Variants in GLIS3 observed in about 807,000 individuals in gnomAD.
The protein encoded by GLIS3 is GLIS family zinc finger 3.
GLIS3 carries 53 observed loss-of-function variants against 78.6 expected under a neutral mutation model. The observed-to-expected ratio is 0.67, with a 90% confidence interval of 0.54 to 0.85. The LOEUF (loss-of-function observed/expected upper bound fraction) is 0.85, where lower values mean the gene tolerates loss of function less well. Ranked by LOEUF, GLIS3 falls within the 40% of genes least tolerant of loss-of-function variation. GLIS3 has a pLI of 0.00. For missense variants in GLIS3, 1,703 were observed against 1,231.1 expected, an observed-to-expected ratio of 1.38 and a Z score of -5.74; for synonymous variants, 684 against 509.9, an observed-to-expected ratio of 1.34 and a Z score of -4.60.
intron 2 of GLIS3, among the ~76,000 whole-genome samples, chr9:4,316,860 G>C (rs1272359725): frequency 2.3e-5 from 3 of 129,094 alleles, no homozygotes; most frequent in African/African-American, 1.0e-4. Context: ...AGAAGTGTTG[G>C]TGATCTTTAT....
chr9:4,041,899 G>A (rs1182454639), intron 4 of GLIS3, among the ~76,000 whole-genome samples: 1 of 152,110 alleles, frequency 6.6e-6, no homozygotes, highest in Admixed American at 6.5e-5. Context: ...ATATCCAGGT[G>A]TACTCTTATG....
chr9:4,196,863 C>A (rs1481734785), intron 2 of GLIS3, among the ~76,000 whole-genome samples: 1 of 152,196 alleles, frequency 6.6e-6, no homozygotes, highest in South Asian at 2.1e-4. Context: ...AACCTGGAAC[C>A]AATCTGCATG....
At chr9:4,083,714 A>G (rs1040204073) in intron 4 of GLIS3, among the ~76,000 whole-genome samples, 2 of 152,248 alleles carry the variant, frequency 1.3e-5, no homozygotes, top group African/African-American at 4.8e-5. Context: ...GGTGTGTTTT[A>G]TAAACCAAGC....
intron 2 of GLIS3, among the ~76,000 whole-genome samples, chr9:4,331,696 G>C (rs1381626114): frequency 6.6e-6 from 1 of 152,174 alleles, no homozygotes; most frequent in Non-Finnish European, 1.5e-5. Context: ...GATGAAGGCA[G>C]GCACTGGTCA....
chr9:4,374,603 C>T, the GLIS3 span, among the ~76,000 whole-genome samples: 4 of 150,526 alleles, frequency 2.7e-5, no homozygotes, highest in South Asian at 8.3e-4. Flanking sequence ...CCCCTTCCTC[C>T]TCTGTGTGGT....
chr9:4,046,717 C>T lies in GLIS3; in HGVS notation c.1710+71051G>A, dbSNP rs180914384. Among the ~76,000 whole-genome samples, 973 of 152,256 alleles carry T rather than the reference C, an allele frequency of 6.4e-3. 9 individuals are homozygous for T. The highest frequency in any genetic ancestry group is 0.015 in the African/African-American group (615 of 41,562). The stretch of plus-strand genomic sequence containing the variant: ...ATTCACTGGAATATATTTAGAGTTC[C>T]TCTACCAGGATAATGCAGGAACTCT... On this transcript the variant is annotated intron_variant, in intron 4 of 10. Coordinates refer to ENST00000381971, the MANE Select transcript of GLIS3 (RefSeq NM_001042413.2).
chr9:4,468,276 T>C, the GLIS3 span, among the ~76,000 whole-genome samples: 1 of 152,072 alleles, frequency 6.6e-6, no homozygotes. Context: ...ATTCAGGAAA[T>C]ACAGAGAATG....
At chr9:4,230,130 G>C (rs972746742) in intron 2 of GLIS3, among the ~76,000 whole-genome samples, 3 of 152,326 alleles carry the variant, frequency 2.0e-5, no homozygotes, top group African/African-American at 7.2e-5. Flanking sequence ...AGTCCTGTAA[G>C]TTCAAGCTCC....
intron 1 of GLIS3, among the ~76,000 whole-genome samples, chr9:4,293,913 C>T (rs1350905720): frequency 6.6e-6 from 1 of 152,220 alleles, no homozygotes; most frequent in Admixed American, 6.5e-5. Flanking sequence ...TTCCTTGACT[C>T]AAGTCTGCCC....
chr9:4,219,737 C>T (rs1563777004), intron 2 of GLIS3, among the ~76,000 whole-genome samples: 1 of 152,112 alleles, frequency 6.6e-6, no homozygotes, highest in African/African-American at 2.4e-5. Flanking sequence ...TGCAACTGAG[C>T]TGGGAGGAAG....
chr9:3,959,060 C>G (rs1817361514), intron 4 of GLIS3, among the ~76,000 whole-genome samples: 2 of 152,138 alleles, frequency 1.3e-5, no homozygotes, highest in South Asian at 2.1e-4. Context: ...TTGCTGTGGT[C>G]TGAATGTTTG....
At chr9:4,426,809 C>G in the GLIS3 span, among the ~76,000 whole-genome samples, 1 of 152,214 alleles carries the variant, frequency 6.6e-6, no homozygotes, top group Non-Finnish European at 1.5e-5. Flanking sequence ...AATAATAGCT[C>G]CCACTTCACA....
At chr9:4,182,347 T>C (rs1817405854) in intron 2 of GLIS3, among the ~76,000 whole-genome samples, 1 of 152,220 alleles carries the variant, frequency 6.6e-6, no homozygotes, top group Admixed American at 6.5e-5. Context: ...TCCGTACTCC[T>C]TCAACACTCT....
chr9:3,968,152 A>G (rs777990826), intron 4 of GLIS3, among the ~76,000 whole-genome samples: 1 of 152,200 alleles, frequency 6.6e-6, no homozygotes, highest in African/African-American at 2.4e-5. Context: ...TTTCAAATCT[A>G]TTGTCACTAG....
intron 9 of GLIS3, among the ~76,000 whole-genome samples, chr9:3,838,287 A>T (rs945151531): frequency 1.3e-5 from 2 of 152,204 alleles, no homozygotes; most frequent in South Asian, 2.1e-4. Context: ...ATTAAAATAC[A>T]GCCCTTTTAC....
intron 4 of GLIS3, among the ~76,000 whole-genome samples, chr9:4,011,865 G>A (rs896270487): frequency 2.0e-5 from 3 of 151,800 alleles, no homozygotes; most frequent in African/African-American, 4.8e-5. Context: ...TGACATACCC[G>A]CCAAGAGATT....
chr9:4,425,453 T>C, the GLIS3 span, among the ~76,000 whole-genome samples: 2 of 152,212 alleles, frequency 1.3e-5, no homozygotes, highest in Non-Finnish European at 2.9e-5. Flanking sequence ...TCAGCTGGTA[T>C]TGGGAATGGC....
rs1480152133 is a variant in GLIS3, at chr9:4,117,962, C to T, written c.1516G>A (p.Asp506Asn). 11 of 1,613,844 alleles carry T rather than the reference C, an allele frequency of 6.8e-6. No individual in the cohort carries two copies. Among genetic ancestry groups the T allele is most frequent in the South Asian group, 2.2e-5 (2 of 91,078 alleles). ...TGCTGGTCGTACAGGGCGCTGCAGT[C>T]GATCCAGCGGCAGCAATGCTTGCCC... ...IGGKHCCRWI[D>N]CSALYDQQEE... is the part of the protein sequence containing the mutation. Residue 506 changes from aspartate (D) to asparagine (N), a missense_variant, in exon 4 of 11, where the codon GAC (aspartate) becomes AAC (asparagine). By Grantham distance (23) the Asp-to-Asn change is conservative. Transcript: ENST00000381971.
chr9:4,330,750 G>C (rs1273096837), intron 2 of GLIS3, among the ~76,000 whole-genome samples: 3 of 152,178 alleles, frequency 2.0e-5, no homozygotes, highest in Non-Finnish European at 4.4e-5. Flanking sequence ...GAGGGAGTGG[G>C]AGCCCACTGA....
Sources: gnomAD v4.1 joint callset for allele counts (sites outside exome capture counted in the v4.1 genomes callset) on GRCh38, gnomAD v4.1.1 for gene constraint, MANE v1.5 for transcripts, NCBI Gene and HGNC (gene_info 2026-07-23, HGNC 2026-07-21) for gene names.